TMEM108: variants seen among roughly 807,000 people sequenced by gnomAD.
TMEM108 encodes transmembrane protein 108.
TMEM108 carries 12 observed loss-of-function variants against 35.1 expected under a neutral mutation model. The observed-to-expected ratio is 0.34, with a 90% CI of 0.22 to 0.55. The LOEUF (loss-of-function observed/expected upper bound fraction) is 0.55. Among genes scored for constraint, TMEM108 ranks in the 20% least tolerant of loss-of-function variants. The pLI, the probability that TMEM108 is intolerant of heterozygous loss-of-function variation, is 0.89. For missense variants in TMEM108, 680 were observed against 753.3 expected, an observed-to-expected ratio of 0.90 and a Z score of 1.14; for synonymous variants, 287 against 308.6, an observed-to-expected ratio of 0.93 and a Z score of 0.73.
intron 2 of TMEM108, among the ~76,000 whole-genome samples, chr3:133,104,908 T>A (rs762237850): frequency 6.6e-6 from 1 of 152,190 alleles, no homozygotes; most frequent in Non-Finnish European, 1.5e-5. Flanking sequence ...CACAGGCATC[T>A]GCCTGAACTT....
At chr3:133,375,910 G>A (rs559735445) in intron 3 of TMEM108, among the ~76,000 whole-genome samples, 3 of 152,182 alleles carry the variant, frequency 2.0e-5, no homozygotes, top group Non-Finnish European at 4.4e-5. Context: ...CCCTCTCACT[G>A]TAACATGTAA....
intron 2 of TMEM108, among the ~76,000 whole-genome samples, chr3:133,126,764 C>T (rs998725759): frequency 4.6e-5 from 7 of 152,050 alleles, no homozygotes; most frequent in Non-Finnish European, 1.0e-4. Flanking sequence ...TGTGGATGCC[C>T]AAGTCCCTTA....
chr3:133,081,364 A>T (rs1201988935), intron 2 of TMEM108, among the ~76,000 whole-genome samples: 1 of 152,092 alleles, frequency 6.6e-6, no homozygotes, highest in Non-Finnish European at 1.5e-5. Flanking sequence ...AAGAATAAGC[A>T]CTCTGGTATC....
chr3:133,227,667 T>TCGG, intron 2 of TMEM108, among the ~76,000 whole-genome samples: 1 of 151,280 alleles, frequency 6.6e-6, no homozygotes, highest in African/African-American at 2.4e-5. Context: ...GAGGCTGAGA[T>TCGG]GGGCAGATCA....
At chr3:133,177,138 G>A (rs1199051625) in intron 2 of TMEM108, among the ~76,000 whole-genome samples, 1 of 152,178 alleles carries the variant, frequency 6.6e-6, no homozygotes, top group Non-Finnish European at 1.5e-5. Context: ...TCTCTGAATA[G>A]ACCAATAACA....
chr3:133,379,625 T>C, intron 3 of TMEM108, 127 bp from the exon 4 acceptor site: 1 of 902,074 alleles, frequency 1.1e-6, no homozygotes, highest in Non-Finnish European at 1.7e-6. Flanking sequence ...GGAGCACTAG[T>C]GTGGGCTCAG....
At chr3:133,172,701 T>C (rs1172824898) in intron 2 of TMEM108, among the ~76,000 whole-genome samples, 1 of 152,210 alleles carries the variant, frequency 6.6e-6, no homozygotes, top group Non-Finnish European at 1.5e-5. Context: ...GTTTAAGATT[T>C]TAAAAAAGGA....
intron 2 of TMEM108, among the ~76,000 whole-genome samples, chr3:133,083,951 A>C (rs1305390730): frequency 6.6e-6 from 1 of 152,164 alleles, no homozygotes; most frequent in East Asian, 1.9e-4. Flanking sequence ...GACCTTCCAT[A>C]AACTATTTCT....
chr3:133,360,748 G>A (rs555817844), intron 3 of TMEM108, among the ~76,000 whole-genome samples: 9 of 152,028 alleles, frequency 5.9e-5, no homozygotes, highest in Admixed American at 5.2e-4. Context: ...AGTCATTTTG[G>A]GTGTACCACC....
At chr3:133,319,544 A>G (rs1315253718) in intron 3 of TMEM108, among the ~76,000 whole-genome samples, 1 of 152,212 alleles carries the variant, frequency 6.6e-6, no homozygotes, top group East Asian at 1.9e-4. Flanking sequence ...CCACATGACA[A>G]CTTCACTGCT....
At chr3:133,074,505 T>C (rs1943716837) in intron 2 of TMEM108, 1 of 152,286 alleles carries the variant, frequency 6.6e-6, no homozygotes, top group African/African-American at 2.4e-5. Flanking sequence ...TTGTTTGTTT[T>C]TTGAGACGAA....
At chr3:133,237,965 AG>A (rs1229077033) in intron 3 of TMEM108, among the ~76,000 whole-genome samples, 7 of 152,184 alleles carry the variant, frequency 4.6e-5, no homozygotes, top group Non-Finnish European at 8.8e-5. Flanking sequence ...AAGAGTATGA[AG>A]GGGACATGAG....
chr3:133,246,426 G>A (rs914288681), intron 3 of TMEM108: 1 of 151,930 alleles, frequency 6.6e-6, no homozygotes, highest in Admixed American at 6.6e-5. Context: ...ATAGGAGTTG[G>A]TGAATCCTTT....
At chr3:133,137,090 G>A (rs1311406204) in intron 2 of TMEM108, among the ~76,000 whole-genome samples, 1 of 152,122 alleles carries the variant, frequency 6.6e-6, no homozygotes, top group Non-Finnish European at 1.5e-5. Context: ...GCATAGAGAC[G>A]GTGTTTATCA....
At chr3:133,339,831 A>T (rs1347592118) in intron 3 of TMEM108, among the ~76,000 whole-genome samples, 2 of 151,888 alleles carry the variant, frequency 1.3e-5, no homozygotes, top group African/African-American at 4.8e-5. Flanking sequence ...ATAGAAATAA[A>T]CATTATGCCT....
intron 2 of TMEM108, among the ~76,000 whole-genome samples, chr3:133,122,755 C>T (rs925220981): frequency 2.7e-5 from 4 of 150,388 alleles, no homozygotes; most frequent in South Asian, 2.1e-4. Flanking sequence ...CCCAGCTACT[C>T]GGGAGGCTGA....
chr3:133,168,652 G>A (rs534178229), intron 2 of TMEM108, among the ~76,000 whole-genome samples: 1 of 152,312 alleles, frequency 6.6e-6, no homozygotes, highest in Non-Finnish European at 1.5e-5. Flanking sequence ...TCAATCAGCA[G>A]GATGTGGGTG....
At chr3:133,289,941 C>G (rs1350425814) in intron 3 of TMEM108, among the ~76,000 whole-genome samples, 1 of 152,190 alleles carries the variant, frequency 6.6e-6, no homozygotes, top group Non-Finnish European at 1.5e-5. Context: ...TGTTTATTCA[C>G]ATATCCATTC....
intron 2 of TMEM108, among the ~76,000 whole-genome samples, chr3:133,176,666 C>T (rs1945235326): frequency 6.6e-6 from 1 of 152,014 alleles, no homozygotes; most frequent in Non-Finnish European, 1.5e-5. Flanking sequence ...ACATTCAAAG[C>T]AGTGTGTAGA....
Sources: allele counts gnomAD v4.1 joint callset (sites outside exome capture counted in the v4.1 genomes callset), GRCh38; gene constraint gnomAD v4.1.1; transcripts MANE v1.5; gene names NCBI Gene and HGNC (gene_info 2026-07-23, HGNC 2026-07-21).